Variants in SENP1 observed in about 807,000 individuals in gnomAD.
SENP1 encodes SUMO specific peptidase 1, also known as sentrin-specific protease 1.
SENP1 carries 21 observed loss-of-function variants against 93.0 expected under a neutral mutation model. The observed-to-expected ratio is 0.23, with a 90% CI of 0.16 to 0.33. The LOEUF is 0.33. Ranked by LOEUF, SENP1 falls within the 10% of genes least tolerant of loss-of-function variation. The pLI is 1.00. For missense variants in SENP1, 591 were observed against 758.7 expected (o/e 0.78, Z 2.60); for synonymous variants, 256 against 259.6 (o/e 0.99, Z 0.13).
intron 2 of SENP1, among the ~76,000 whole-genome samples, chr12:48,098,426 C>T (rs971298990): frequency 1.3e-5 from 2 of 151,804 alleles, no homozygotes; most frequent in Admixed American, 6.6e-5. Context: ...GGGTGGATCA[C>T]GGGGTCAGGA....
chr12:48,066,058 CTTG>C (rs1233770748), intron 10 of SENP1, among the ~76,000 whole-genome samples: 1 of 152,076 alleles, frequency 6.6e-6, no homozygotes, highest in Non-Finnish European at 1.5e-5. Flanking sequence ...GAACAGATGA[CTTG>C]TTAACATTTG....
chr12:48,085,270 T>C, intron 5 of SENP1: 1 of 1,554,382 alleles, frequency 6.4e-7, no homozygotes. Context: ...AACCAGTACA[T>C]CGCAGAGATG....
intron 9 of SENP1, among the ~76,000 whole-genome samples, chr12:48,068,632 G>T (rs577366065): frequency 6.6e-6 from 1 of 152,038 alleles, no homozygotes; most frequent in Non-Finnish European, 1.5e-5. Flanking sequence ...AAGTACTTGG[G>T]CTACTCAAGA....
rs1479328070 is a variant in SENP1 at position 48,045,274 on chromosome 12, A to G, written c.*48T>C. ...TCCAAGGTCTCTGGCTGTAGACAACAAAGAGCTGGTCCCCCACATGGTCAA... is the reference window on the plus strand; with the variant it reads ...TCCAAGGTCTCTGGCTGTAGACAACGAAGAGCTGGTCCCCCACATGGTCAA... On this transcript the variant is annotated 3_prime_UTR_variant, in exon 18 of 18. Coordinates refer to ENST00000549518, the MANE Select transcript of SENP1 (RefSeq NM_001267594.2). 2 of 1,525,172 alleles carry G rather than the reference A, an allele frequency of 1.3e-6. No individual in the cohort carries two copies. The highest frequency in any genetic ancestry group is 1.4e-5 in the African/African-American group (1 of 73,126). The allele number at this position is 1,525,172 out of a possible 1,614,324, so 94.5% of individuals were successfully genotyped here. A position where few individuals can be genotyped will look rare whatever the true frequency, so the allele number is the denominator to read the frequency against.
chr12:48,074,193 T>C (rs1943905417), intron 8 of SENP1, 131 bp downstream of exon 8: 1 of 801,540 alleles, frequency 1.2e-6, no homozygotes, highest in African/African-American at 1.7e-5. Context: ...TTGGAACATT[T>C]CGGACTTCAT....
At chr12:48,064,118 C>A (rs970514258) in intron 12 of SENP1, among the ~76,000 whole-genome samples, 7 of 152,096 alleles carry the variant, frequency 4.6e-5, no homozygotes, top group Non-Finnish European at 1.0e-4. Context: ...AACAACCTTC[C>A]GCTATCAAAT....
chr12:48,087,127 A>T (rs987165540), intron 5 of SENP1, among the ~76,000 whole-genome samples: 1 of 152,240 alleles, frequency 6.6e-6, no homozygotes, highest in Non-Finnish European at 1.5e-5. Flanking sequence ...TAACTTCCAG[A>T]TGCAAAACTA....
intron 8 of SENP1, 82 bp from the exon 9 acceptor site, chr12:48,071,803 A>G (rs1943726519): frequency 2.2e-6 from 2 of 898,544 alleles, no homozygotes; most frequent in East Asian, 5.3e-5. Context: ...AAGTTCCCAT[A>G]CTTTGCTATA....
In SENP1 at chr12:48,096,479, C is replaced by T. The variant is rs1323830098; in HGVS notation, c.136-52G>A. The T allele has an allele frequency of 1.6e-5, 17 of 1,096,044 alleles. No homozygotes were observed. The African/African-American group carries it at 2.2e-4, about 14-fold the overall frequency. 67.9% of individuals were successfully genotyped at this position (1,096,044 alleles called of 1,614,324 possible). A position where few individuals can be genotyped will look rare whatever the true frequency, so the allele number is the denominator to read the frequency against. ...AGTCACATTTTTTTTTTTTTTGAGA[C>T]AGTCTCACTCTTGTTGCCCAGGCTG... On this transcript the variant is annotated intron_variant, in intron 3 of 17. Transcript: ENST00000549518.
chr12:48,063,957 A>T, intron 12 of SENP1, 116 bp from the exon 13 acceptor site: 1 of 1,004,468 alleles, frequency 1.0e-6, no homozygotes, highest in Non-Finnish European at 1.4e-6. Flanking sequence ...ATTGTTTATA[A>T]ATTTACTGTT....
chr12:48,105,446 A>G, intron 1 of SENP1: 1 of 518,968 alleles, frequency 1.9e-6, no homozygotes, highest in Non-Finnish European at 3.8e-6. Context: ...AGTTAAGGGG[A>G]TTTTCATAAC....
chr12:48,074,154 T>A (rs1943903120), intron 8 of SENP1, among the ~76,000 whole-genome samples, 170 bp downstream of exon 8: 1 of 152,202 alleles, frequency 6.6e-6, no homozygotes, highest in Non-Finnish European at 1.5e-5. Flanking sequence ...TTCCTGAGTA[T>A]CATGTTGGTA....
chr12:48,089,294 C>CTGAAAGAAGGTAGGCCAGA, intron 4 of SENP1: 2 of 1,371,510 alleles, frequency 1.5e-6, no homozygotes, highest in Non-Finnish European at 1.9e-6. Flanking sequence ...AGGCCTGGGC[C>CTGAAAGAAGGTAGGCCAGA]TGAAAGAAGG....
At chr12:48,098,218 A>C in intron 2 of SENP1, 94 bp from the exon 3 acceptor site, 1 of 1,293,504 alleles carries the variant, frequency 7.7e-7, no homozygotes, top group Non-Finnish European at 1.1e-6. Context: ...AACAATTCCC[A>C]CCCAGGCATG....
chr12:48,085,870 A>G (rs1944825421), intron 5 of SENP1, among the ~76,000 whole-genome samples: 1 of 152,168 alleles, frequency 6.6e-6, no homozygotes, highest in Non-Finnish European at 1.5e-5. Context: ...ATTCTCCACA[A>G]TGTCTTCTGT....
chr12:48,050,363 C>T (rs939188675), intron 13 of SENP1, among the ~76,000 whole-genome samples: 16 of 152,316 alleles, frequency 1.1e-4, no homozygotes, highest in African/African-American at 3.6e-4. Context: ...CACCGGAGCA[C>T]GGTCTAGACC....
rs140969425 is a variant in SENP1 at position 48,076,315 on chromosome 12, G to A, written c.553-1522C>T. 7.9e-3 allele frequency among the ~76,000 whole-genome samples: 1,207 copies of A among 151,980 alleles called. 28 individuals carry two copies. The highest frequency in any genetic ancestry group is 0.028 in the African/African-American group (1,143 of 41,462). ...CAGCTAATTTTTTGTGTTTTTAGTA[G>A]AGATGGGGTTTCACCATGTTAGCCA... is the stretch of plus-strand genomic sequence containing the variant. On this transcript the variant is annotated intron_variant, in intron 6 of 17. Coordinates refer to ENST00000549518, the MANE Select transcript of SENP1 (RefSeq NM_001267594.2).
At chr12:48,086,872 C>G (rs1944901661) in intron 5 of SENP1, among the ~76,000 whole-genome samples, 1 of 152,078 alleles carries the variant, frequency 6.6e-6, no homozygotes, top group African/African-American at 2.4e-5. Flanking sequence ...AATGCCGTCT[C>G]TACTAAAAAT....
At chr12:48,075,107 T>C (rs925397716) in intron 6 of SENP1, among the ~76,000 whole-genome samples, 40 of 151,494 alleles carry the variant, frequency 2.6e-4, no homozygotes, top group Admixed American at 3.3e-4. Flanking sequence ...TCCCAGCTAC[T>C]GGGGAGACTG....
Sources: allele counts gnomAD v4.1 joint callset (sites outside exome capture counted in the v4.1 genomes callset), GRCh38; gene constraint gnomAD v4.1.1; transcripts MANE v1.5; gene names NCBI Gene and HGNC (gene_info 2026-07-23, HGNC 2026-07-21).